The following EIF4EBP1 variants were observed in gnomAD, a reference collection of about 807,000 sequenced individuals.
EIF4EBP1 encodes eukaryotic translation initiation factor 4E binding protein 1.
In EIF4EBP1, 5 loss-of-function variants were observed where a neutral mutation model predicts 9.2. That is an observed-to-expected ratio of 0.54 (90% CI 0.28 to 1.14). The LOEUF (loss-of-function observed/expected upper bound fraction) is 1.14. Ranked by LOEUF, EIF4EBP1 falls within the 50% of genes most tolerant of loss-of-function variation. EIF4EBP1 has a pLI of 0.09. For synonymous variants in EIF4EBP1, 62 were observed against 67.0 expected, an observed-to-expected ratio of 0.93 and a Z score of 0.36; for missense variants, 139 against 169.6, an observed-to-expected ratio of 0.82 and a Z score of 1.00.
chr8:38,041,764 G>T (rs934320004), intron 1 of EIF4EBP1, among the ~76,000 whole-genome samples: 1 of 152,182 alleles, frequency 6.6e-6, no homozygotes, highest in African/African-American at 2.4e-5. Context: ...GCCAAGGCAG[G>T]TGGATTGCTT....
intron 1 of EIF4EBP1, among the ~76,000 whole-genome samples, chr8:38,053,260 T>C (rs998874932): frequency 1.8e-4 from 28 of 151,972 alleles, no homozygotes; most frequent in Non-Finnish European, 2.9e-5. Flanking sequence ...TCAGGTGATC[T>C]GCCTGCCTCT....
chr8:38,056,244 G>A lies in EIF4EBP1; in HGVS notation c.146-837G>A, dbSNP rs548769338. Among the ~76,000 whole-genome samples the A allele has an allele frequency of 2.0e-4, 31 of 152,176 alleles. No individual in the cohort carries two copies. The South Asian group carries it at 6.0e-3, about 30-fold the overall frequency. On this transcript the variant is annotated intron_variant, in intron 1 of 2. Coordinates refer to ENST00000338825, the MANE Select transcript of EIF4EBP1 (RefSeq NM_004095.4). Reference sequence around the variant, plus strand: ...TGGGCTCAAGCAGTCCTCCCACGGTGGCCTCCCAAAGTGCTGAGATTACAG... The same window carrying A: ...TGGGCTCAAGCAGTCCTCCCACGGTAGCCTCCCAAAGTGCTGAGATTACAG...
chr8:38,045,069 A>AT (rs1283657980), intron 1 of EIF4EBP1, among the ~76,000 whole-genome samples: 1 of 151,926 alleles, frequency 6.6e-6, no homozygotes, highest in African/African-American at 2.4e-5. Context: ...CTCCCAAGTG[A>AT]TTTTCTCTTT....
At chr8:38,051,499 T>C (rs922677338) in intron 1 of EIF4EBP1, among the ~76,000 whole-genome samples, 7 of 152,324 alleles carry the variant, frequency 4.6e-5, no homozygotes, top group African/African-American at 1.4e-4. Context: ...AGTGACCTAG[T>C]GGAGGTGGGT....
At chr8:38,049,649 T>A (rs1050367511) in intron 1 of EIF4EBP1, among the ~76,000 whole-genome samples, 4 of 151,670 alleles carry the variant, frequency 2.6e-5, no homozygotes, top group African/African-American at 9.7e-5. Flanking sequence ...GCCTGGCTAA[T>A]TTTTGTATTT....
At chr8:38,039,426 GT>G (rs1809347873) in intron 1 of EIF4EBP1, among the ~76,000 whole-genome samples, 1 of 99,054 alleles carries the variant, frequency 1.0e-5, no homozygotes, top group East Asian at 3.0e-4. Flanking sequence ...TTTTTTTTGA[GT>G]TGGAGTGTTG....
At chr8:38,042,296 C>T (rs1467256788) in intron 1 of EIF4EBP1, among the ~76,000 whole-genome samples, 6 of 152,170 alleles carry the variant, frequency 3.9e-5, no homozygotes, top group African/African-American at 1.2e-4. Flanking sequence ...AGGGTACAGT[C>T]GGGCTCAGTA....
chr8:38,057,312 G>A (rs1240378586), intron 2 of EIF4EBP1, 52 bp downstream of exon 2: 10 of 1,542,798 alleles, frequency 6.5e-6, no homozygotes, highest in Non-Finnish European at 7.8e-6. Flanking sequence ...AATGTATGAG[G>A]CTCCTGGAGT....
chr8:38,050,692 A>C (rs1257785261), intron 1 of EIF4EBP1, among the ~76,000 whole-genome samples: 1 of 151,902 alleles, frequency 6.6e-6, no homozygotes, highest in Non-Finnish European at 1.5e-5. Flanking sequence ...AGCTCACTGC[A>C]GCCTCAACTT....
chr8:38,056,582 T>C (rs554091659), intron 1 of EIF4EBP1, among the ~76,000 whole-genome samples: 26 of 151,214 alleles, frequency 1.7e-4, no homozygotes, highest in African/African-American at 6.1e-4. Flanking sequence ...GATCATTCCA[T>C]GTGAAGGGGA....
chr8:38,039,447 C>T lies in EIF4EBP1; in HGVS notation c.145+8729C>T, dbSNP rs181752153. The stretch of plus-strand genomic sequence containing the variant: ...TTGAGTTGGAGTGTTGCTCTATCGC[C>T]CAGGCTGGAGTGCAGTGGTGCAATC... On this transcript the variant is annotated intron_variant, in intron 1 of 2. Transcript: ENST00000338825. 7.0e-4 allele frequency among the ~76,000 whole-genome samples: 104 copies of T among 149,410 alleles called. 1 individual carries two copies. The highest frequency in any genetic ancestry group is 2.2e-3 in the Admixed American group (33 of 14,972).
intron 1 of EIF4EBP1, among the ~76,000 whole-genome samples, chr8:38,036,224 A>G (rs1052877714): frequency 6.6e-6 from 1 of 151,882 alleles, no homozygotes; most frequent in African/African-American, 2.4e-5. Flanking sequence ...TTATTATTTG[A>G]AAGGAGAGGC....
intron 1 of EIF4EBP1, among the ~76,000 whole-genome samples, chr8:38,054,827 C>T (rs1021833200): frequency 1.3e-5 from 2 of 152,234 alleles, no homozygotes; most frequent in Admixed American, 1.3e-4. Context: ...AATCTGGGCT[C>T]ATAGGCACTC....
At chr8:38,052,372 C>T (rs1809537436) in intron 1 of EIF4EBP1, among the ~76,000 whole-genome samples, 1 of 151,950 alleles carries the variant, frequency 6.6e-6, no homozygotes. Context: ...GCGATCCTCC[C>T]ATCTCAGCCT....
At chr8:38,041,657 C>T (rs1809382200) in intron 1 of EIF4EBP1, among the ~76,000 whole-genome samples, 4 of 152,162 alleles carry the variant, frequency 2.6e-5, no homozygotes, top group African/African-American at 7.2e-5. Context: ...TCATAGATCC[C>T]ATACCCTGTT....
At chr8:38,054,606 C>T (rs944107653) in intron 1 of EIF4EBP1, among the ~76,000 whole-genome samples, 4 of 152,160 alleles carry the variant, frequency 2.6e-5, no homozygotes, top group Admixed American at 6.5e-5. Context: ...GCTGCCTGGA[C>T]CCTGGGGTCT....
intron 1 of EIF4EBP1, among the ~76,000 whole-genome samples, chr8:38,032,017 C>T (rs991931812): frequency 2.6e-5 from 4 of 152,236 alleles, no homozygotes; most frequent in African/African-American, 7.2e-5. Context: ...TTTTGTAGTC[C>T]ATGCTGTTCT....
At chr8:38,042,779 G>A (rs1809399635) in intron 1 of EIF4EBP1, among the ~76,000 whole-genome samples, 2 of 152,084 alleles carry the variant, frequency 1.3e-5, no homozygotes, top group African/African-American at 4.8e-5. Flanking sequence ...AGTTTTGGGG[G>A]CAGGCCGAGC....
chr8:38,041,263 G>A (rs1009032422), intron 1 of EIF4EBP1, among the ~76,000 whole-genome samples: 9 of 151,976 alleles, frequency 5.9e-5, no homozygotes, highest in African/African-American at 1.9e-4. Context: ...CACCACGCCC[G>A]GCTAATTTTT....
Sources: allele counts gnomAD v4.1 joint callset (sites outside exome capture counted in the v4.1 genomes callset), GRCh38; gene constraint gnomAD v4.1.1; transcripts MANE v1.5; gene names NCBI Gene and HGNC (gene_info 2026-07-23, HGNC 2026-07-21).